The following LASP1 variants were observed in gnomAD, a reference collection of about 807,000 sequenced individuals.
LASP1 encodes the protein LIM and SH3 protein 1.
A neutral mutation model predicts 38.6 loss-of-function variants in LASP1; 10 were observed. The observed-to-expected ratio is 0.26, with a 90% CI of 0.16 to 0.44. LASP1 has a LOEUF of 0.44. LASP1 is among the 20% of genes least tolerant of loss of function. The probability of loss-of-function intolerance (pLI) is 1.00; values close to 1 mark genes in which losing one functional copy is unlikely to be tolerated. For missense variants in LASP1, 243 were observed against 375.7 expected, an observed-to-expected ratio of 0.65 and a Z score of 2.92; for synonymous variants, 132 against 140.8, an observed-to-expected ratio of 0.94 and a Z score of 0.44.
In LASP1 at chr17:38,914,977, G is replaced by A. The variant is rs528629658; in HGVS notation, c.509-66G>A. 6.7e-6 allele frequency: 10 copies of A among 1,492,190 alleles called. No individual in the cohort carries two copies. The African/African-American group carries it at 6.9e-5, about 10-fold the overall frequency. The allele number at this position is 1,492,190 out of a possible 1,614,324, so 92.4% of individuals were successfully genotyped here. ...TGGAAGTGCATGGTATGGACTTCTC[G>A]GGAGCTCTGGGAGGGGCTGGGTTTG... On this transcript the variant is annotated intron_variant, in intron 5 of 6. Coordinates refer to ENST00000318008, the MANE Select transcript of LASP1 (RefSeq NM_006148.4).
chr17:38,906,097 G>A (rs1171111078), intron 4 of LASP1, among the ~76,000 whole-genome samples: 1 of 152,000 alleles, frequency 6.6e-6, no homozygotes, highest in African/African-American at 2.4e-5. Flanking sequence ...AGTCTCTGAT[G>A]GGGAGCAGTA....
chr17:38,875,089 GAGA>G, intron 1 of LASP1, among the ~76,000 whole-genome samples: 1 of 111,534 alleles, frequency 9.0e-6, no homozygotes, highest in Admixed American at 8.4e-5. Context: ...GTGTGTGTGT[GAGA>G]AAGTGGGTCA....
At chr17:38,900,855 G>C (rs149616725) in intron 4 of LASP1, among the ~76,000 whole-genome samples, 5 of 152,326 alleles carry the variant, frequency 3.3e-5, no homozygotes, top group African/African-American at 9.6e-5. Flanking sequence ...GCCTGTCACA[G>C]TTGACTCTTT....
Position 38,918,945 on chromosome 17 carries a change from C to G in LASP1, c.*167C>G, listed in dbSNP as rs1421053945. The G allele has an allele frequency of 5.4e-6, 4 of 736,126 alleles. No individual in the cohort carries two copies. Among genetic ancestry groups the G allele is most frequent in the Non-Finnish European group, 8.8e-6 (4 of 456,470 alleles). 45.6% of individuals were successfully genotyped at this position (736,126 alleles called of 1,614,324 possible). On this transcript the variant is annotated 3_prime_UTR_variant, in exon 7 of 7. Transcript: ENST00000318008. This position sits in a 1 kb window ranked among gnomAD's most constrained non-coding sequence, Gnocchi z 4.4. ...CAACTGAAGCCTTCTTCTGCCACTT[C>G]TGCGGGCTCCCTCCTCTGGCAGGCT...
chr17:38,909,573 C>T (rs951038152), intron 4 of LASP1, among the ~76,000 whole-genome samples: 4 of 151,628 alleles, frequency 2.6e-5, no homozygotes, highest in African/African-American at 9.7e-5. Flanking sequence ...TGTCACTGCA[C>T]TCCAGCCTGG....
At chr17:38,883,903 G>C (rs1415768872) in intron 2 of LASP1, among the ~76,000 whole-genome samples, 1 of 151,880 alleles carries the variant, frequency 6.6e-6, no homozygotes, top group Non-Finnish European at 1.5e-5. Context: ...TTAGGCCTGA[G>C]GGGATGGACG....
At chr17:38,900,862 C>T (rs1397760024) in intron 4 of LASP1, among the ~76,000 whole-genome samples, 1 of 152,190 alleles carries the variant, frequency 6.6e-6, no homozygotes, top group Non-Finnish European at 1.5e-5. Flanking sequence ...ACAGTTGACT[C>T]TTTATATGCT....
At chr17:38,907,281 C>T (rs186892522) in intron 4 of LASP1, among the ~76,000 whole-genome samples, 1 of 152,220 alleles carries the variant, frequency 6.6e-6, no homozygotes, top group Non-Finnish European at 1.5e-5. Flanking sequence ...GAGTTGCATG[C>T]CTGGTGTCCC....
rs370424443 is a variant in LASP1, at chr17:38,881,303, G to A, written c.164+3123G>A. 2.6e-5 allele frequency among the ~76,000 whole-genome samples: 4 copies of A among 151,884 alleles called. No homozygotes were observed. The South Asian group carries it at 6.2e-4, about 24-fold the overall frequency. On this transcript the variant is annotated intron_variant, in intron 2 of 6. Transcript: ENST00000318008. Reference sequence around the variant, plus strand: ...GAGACAAGGTCTCCAAAAAAACTTCGTCCTGCTCAGTCACCCAGGCTGGAG... The same window carrying A: ...GAGACAAGGTCTCCAAAAAAACTTCATCCTGCTCAGTCACCCAGGCTGGAG...
At chr17:38,874,444 C>T (rs538634695) in intron 1 of LASP1, among the ~76,000 whole-genome samples, 1 of 152,190 alleles carries the variant, frequency 6.6e-6, no homozygotes, top group Non-Finnish European at 1.5e-5. Flanking sequence ...GAGGGACTGG[C>T]CATTTTCTGC....
intron 3 of LASP1, among the ~76,000 whole-genome samples, chr17:38,895,629 T>C (rs1914465860): frequency 6.6e-6 from 1 of 152,182 alleles, no homozygotes; most frequent in Non-Finnish European, 1.5e-5. Context: ...TTTTTGTTTT[T>C]AAGTAATGAT....
chr17:38,907,198 A>G (rs1279005632), intron 4 of LASP1, among the ~76,000 whole-genome samples: 1 of 152,140 alleles, frequency 6.6e-6, no homozygotes, highest in African/African-American at 2.4e-5. Flanking sequence ...ATTTTATCCA[A>G]GTGGGCCCAG....
In LASP1 at chr17:38,920,075, A is replaced by G. The variant is rs1373789602; in HGVS notation, c.*1297A>G. The G allele has an allele frequency of 3.7e-6, 2 of 536,644 alleles. No homozygotes were observed. The highest frequency in any genetic ancestry group is 7.2e-6 in the Non-Finnish European group (2 of 276,726). 33.2% of individuals were successfully genotyped at this position (536,644 alleles called of 1,614,324 possible). On this transcript the variant is annotated 3_prime_UTR_variant, in exon 7 of 7. Coordinates refer to ENST00000318008, the MANE Select transcript of LASP1 (RefSeq NM_006148.4). ...AAATTCCTCCTTCCCCCCATCTCTG[A>G]GTGGAGGAAGCCCACCAATCTGCCC...
chr17:38,895,355 C>T (rs1282490250), intron 3 of LASP1, among the ~76,000 whole-genome samples: 1 of 151,748 alleles, frequency 6.6e-6, no homozygotes, highest in African/African-American at 2.4e-5. Context: ...GAGTTTTACT[C>T]TGTCGCCCAG....
rs1915304829 is a variant in LASP1, at chr17:38,921,664, T to C, written c.*2886T>C. ...GGTCCCCTCCCTCGTGGGCTTGTGCTCGGGATCAAACCTTTCTGGCCTGTT... is the reference window on the plus strand; with the variant it reads ...GGTCCCCTCCCTCGTGGGCTTGTGCCCGGGATCAAACCTTTCTGGCCTGTT... On this transcript the variant is annotated 3_prime_UTR_variant, in exon 7 of 7. Transcript: ENST00000318008. The C allele has an allele frequency of 4.3e-6, 1 of 232,286 alleles. No homozygotes were observed. The highest frequency in any genetic ancestry group is 8.5e-6 in the Non-Finnish European group (1 of 117,394). The allele number at this position is 232,286 out of a possible 1,614,324, so 14.4% of individuals were successfully genotyped here. A position where few individuals can be genotyped will look rare whatever the true frequency, so the allele number is the denominator to read the frequency against.
At chr17:38,884,848 G>A (rs750738264) in intron 2 of LASP1, among the ~76,000 whole-genome samples, 23 of 151,786 alleles carry the variant, frequency 1.5e-4, no homozygotes, top group Admixed American at 1.4e-3. Context: ...GTGTCACCAC[G>A]CCCGGCTAAT....
chr17:38,879,034 T>C (rs1186719815), intron 2 of LASP1, among the ~76,000 whole-genome samples: 1 of 152,080 alleles, frequency 6.6e-6, no homozygotes, highest in Non-Finnish European at 1.5e-5. Context: ...CAATTGACCT[T>C]GTGAGTAGCA....
intron 2 of LASP1, among the ~76,000 whole-genome samples, chr17:38,879,217 G>A (rs1167550361): frequency 3.0e-5 from 4 of 135,574 alleles, no homozygotes; most frequent in Non-Finnish European, 6.1e-5. Flanking sequence ...GTGCAGTGGC[G>A]CGATCTTGGC....
At chr17:38,895,210 T>G (rs971998775) in intron 3 of LASP1, among the ~76,000 whole-genome samples, 9 of 151,766 alleles carry the variant, frequency 5.9e-5, no homozygotes, top group Admixed American at 3.3e-4. Context: ...GATGGGGTAC[T>G]ATGTTCCCAG....
Sources: allele counts gnomAD v4.1 joint callset (sites outside exome capture counted in the v4.1 genomes callset), GRCh38; gene constraint gnomAD v4.1.1; non-coding constraint Gnocchi (gnomAD v3.1); transcripts MANE v1.5; gene names NCBI Gene and HGNC (gene_info 2026-07-23, HGNC 2026-07-21).